SEM1: variants seen among roughly 807,000 people sequenced by gnomAD.
The protein encoded by SEM1 is SEM1 26S proteasome subunit.
SEM1 carries 3 observed loss-of-function variants against 12.7 expected under a neutral mutation model. The observed-to-expected ratio is 0.24, with a 90% confidence interval of 0.11 to 0.61. The LOEUF is 0.61. Ranked by LOEUF, SEM1 falls within the 20% of genes least tolerant of loss-of-function variation. SEM1 has a pLI of 0.88. For missense variants in SEM1, 59 were observed against 81.3 expected (o/e 0.73, Z 1.06); for synonymous variants, 30 against 27.8 (o/e 1.08, Z -0.25).
chr7:96,696,834 T>C (rs951010539), intron 1 of SEM1: 30 of 152,010 alleles, frequency 2.0e-4, no homozygotes, highest in Non-Finnish European at 1.0e-4. Context: ...GCTGTAACTA[T>C]TGTAATCTCT....
chr7:96,585,343 T>A (rs1203019560), intron 2 of SEM1, among the ~76,000 whole-genome samples: 1 of 152,218 alleles, frequency 6.6e-6, no homozygotes, highest in Non-Finnish European at 1.5e-5. Context: ...CCCAGCTTCG[T>A]GCTGGGAGAA....
intron 2 of SEM1, among the ~76,000 whole-genome samples, chr7:96,607,560 C>T (rs1016313272): frequency 1.3e-5 from 2 of 152,130 alleles, no homozygotes; most frequent in African/African-American, 4.8e-5. Context: ...ACCTTAAGGA[C>T]TTTATAATTC....
At chr7:96,682,860 A>G (rs1317056519) in intron 2 of SEM1, among the ~76,000 whole-genome samples, 1 of 152,114 alleles carries the variant, frequency 6.6e-6, no homozygotes, top group African/African-American at 2.4e-5. Context: ...AATTTACAAG[A>G]AAAAAACAAA....
intron 2 of SEM1, among the ~76,000 whole-genome samples, chr7:96,578,832 A>G (rs922440139): frequency 2.6e-5 from 4 of 152,220 alleles, no homozygotes; most frequent in Admixed American, 2.0e-4. Context: ...GTTAGTGAGT[A>G]CAGATGCCCA....
intron 2 of SEM1, among the ~76,000 whole-genome samples, chr7:96,574,583 C>G (rs995629576): frequency 6.6e-6 from 1 of 152,154 alleles, no homozygotes; most frequent in African/African-American, 2.4e-5. Flanking sequence ...TTCTCCACAT[C>G]CTCTCCAGCT....
chr7:96,672,102 T>C (rs1195852497), downstream of SEM1, among the ~76,000 whole-genome samples: 1 of 152,202 alleles, frequency 6.6e-6, no homozygotes, highest in Non-Finnish European at 1.5e-5. Context: ...TGGCCTCTCA[T>C]GTATAATCAC....
chr7:96,702,564 C>A, intron 1 of SEM1, among the ~76,000 whole-genome samples: 1 of 152,142 alleles, frequency 6.6e-6, no homozygotes, highest in East Asian at 1.9e-4. Context: ...ATAATAGTTA[C>A]AAATTATAAC....
rs1157901618 is a variant in SEM1 at position 96,622,569 on chromosome 7, C to T, written c.*47G>A. 3.9e-6 allele frequency: 3 copies of T among 762,942 alleles called. No homozygotes were observed. The African/African-American group carries it at 5.1e-5, about 13-fold the overall frequency. 47.3% of individuals were successfully genotyped at this position (762,942 alleles called of 1,614,324 possible). On this transcript the variant is annotated 3_prime_UTR_variant, in exon 3 of 3. Coordinates refer to the SEM1 transcript ENST00000417009. ...CCTTTGCCTTCTTTCTTATTAGCTG[C>T]ATGATCAATGTGAAGCCTGACTCCT...
downstream of SEM1, chr7:96,688,001 T>C (rs1789813215): frequency 6.6e-6 from 1 of 152,198 alleles, no homozygotes; most frequent in African/African-American, 2.4e-5. Context: ...TATTTTGGTA[T>C]CTGCACTGCA....
chr7:96,697,219 A>T (rs1790124911), intron 1 of SEM1: 2 of 152,078 alleles, frequency 1.3e-5, no homozygotes, highest in African/African-American at 2.4e-5. Flanking sequence ...ATTGGAAATA[A>T]CCAGTAACAG....
At chr7:96,606,235 C>T (rs569368041) in intron 2 of SEM1, among the ~76,000 whole-genome samples, 1 of 152,286 alleles carries the variant, frequency 6.6e-6, no homozygotes, top group Admixed American at 6.5e-5. Context: ...CAGGCATCCA[C>T]TGGGGGTAAT....
chr7:96,672,707 A>G (rs1293235378), downstream of SEM1: 1 of 152,238 alleles, frequency 6.6e-6, no homozygotes, highest in Admixed American at 6.5e-5. Flanking sequence ...CCTCATTAGC[A>G]TACTATATGC....
At chr7:96,491,131 G>T (rs892950601) in intron 1 of SEM1, among the ~76,000 whole-genome samples, 2 of 152,074 alleles carry the variant, frequency 1.3e-5, no homozygotes, top group Non-Finnish European at 2.9e-5. Flanking sequence ...GAGAGGTTTG[G>T]TTACTTATTT....
chr7:96,535,009 G>A (rs778799540), intron 2 of SEM1, among the ~76,000 whole-genome samples: 1 of 151,866 alleles, frequency 6.6e-6, no homozygotes, highest in Non-Finnish European at 1.5e-5. Flanking sequence ...GGAGTCCTAA[G>A]ACCAAAAACT....
chr7:96,555,113 G>A (rs970056817), intron 2 of SEM1, among the ~76,000 whole-genome samples: 153 of 150,662 alleles, frequency 1.0e-3, no homozygotes, highest in African/African-American at 3.5e-3. Flanking sequence ...TCTTGCTAGC[G>A]ATCTATCAAT....
chr7:96,597,690 T>C (rs1807047057), intron 2 of SEM1, among the ~76,000 whole-genome samples: 1 of 151,112 alleles, frequency 6.6e-6, no homozygotes, highest in Admixed American at 6.6e-5. Context: ...TATATATATA[T>C]ATATACACAC....
chr7:96,573,491 G>A (rs1265503761), intron 2 of SEM1, among the ~76,000 whole-genome samples: 1 of 152,166 alleles, frequency 6.6e-6, no homozygotes, highest in African/African-American at 2.4e-5. Flanking sequence ...GCATTTGCTT[G>A]TCTGTAAAGG....
chr7:96,661,497 G>C (rs922624655), intron 2 of SEM1, among the ~76,000 whole-genome samples: 4 of 152,100 alleles, frequency 2.6e-5, no homozygotes, highest in African/African-American at 9.7e-5. Context: ...AAAGAATAAG[G>C]TAAGATTTGC....
At chr7:96,525,549 A>G (rs1020303509) in intron 2 of SEM1, among the ~76,000 whole-genome samples, 1 of 152,142 alleles carries the variant, frequency 6.6e-6, no homozygotes, top group Admixed American at 6.5e-5. Context: ...AAGAAGAAGG[A>G]GGATATTTAG....
Sources: allele counts gnomAD v4.1 joint callset (sites outside exome capture counted in the v4.1 genomes callset), GRCh38; gene constraint gnomAD v4.1.1; transcripts MANE v1.5; gene names NCBI Gene and HGNC (gene_info 2026-07-23, HGNC 2026-07-21).